ZNF366: variants seen among roughly 807,000 people sequenced by gnomAD.
ZNF366 encodes dendritic cell-specific transcript protein.
In ZNF366, 20 loss-of-function variants were observed where a neutral mutation model predicts 47.2. The ratio of observed to expected loss-of-function variants is 0.42; its 90% CI spans 0.30 to 0.62. The LOEUF (loss-of-function observed/expected upper bound fraction) is 0.62. Among genes scored for constraint, ZNF366 ranks in the 20% least tolerant of loss-of-function variants. ZNF366 has a pLI of 0.16. For missense variants in ZNF366, 987 were observed against 976.3 expected (o/e 1.01, Z -0.15); for synonymous variants, 421 against 395.1 (o/e 1.07, Z -0.78).
At chr5:72,501,825 C>G (rs1332918022) in intron 1 of ZNF366, among the ~76,000 whole-genome samples, 1 of 152,198 alleles carries the variant, frequency 6.6e-6, no homozygotes, top group Non-Finnish European at 1.5e-5. Flanking sequence ...TAAAATGCAA[C>G]AACAGTCTTT....
rs539424512 is a variant in ZNF366 at position 72,460,432 on chromosome 5, G to A, written c.1065C>T (p.His355=). The A allele has an allele frequency of 6.8e-6, 11 of 1,614,160 alleles. No individual in the cohort carries two copies. In the African/African-American group the frequency reaches 9.3e-5, roughly 14 times the overall value. The part of the protein sequence containing the change: ...GFAYPSELKA[H]EAKHASGREN... Reference sequence around the variant, plus strand: ...CGCGCCCACTGGCGTGCTTGGCTTCGTGGGCCTTGAGCTCGCTGGGGTAGG... The same window carrying A: ...CGCGCCCACTGGCGTGCTTGGCTTCATGGGCCTTGAGCTCGCTGGGGTAGG... Residue 355 remains histidine (H), a synonymous_variant, in exon 2 of 5, where the codon CAC becomes CAT. Transcript: ENST00000318442.
chr5:72,487,263 A>C (rs1163477600), intron 1 of ZNF366, among the ~76,000 whole-genome samples: 1 of 152,180 alleles, frequency 6.6e-6, no homozygotes, highest in Non-Finnish European at 1.5e-5. Flanking sequence ...AGAGTTTTGC[A>C]ACTTTACACC....
chr5:72,446,284 T>A (rs1036469975), intron 4 of ZNF366, among the ~76,000 whole-genome samples: 2 of 152,244 alleles, frequency 1.3e-5, no homozygotes, highest in African/African-American at 4.8e-5. Flanking sequence ...CAAGCAATAA[T>A]GTCCCTAAGG....
chr5:72,496,955 G>T (rs1324966369), intron 1 of ZNF366, among the ~76,000 whole-genome samples: 3 of 151,924 alleles, frequency 2.0e-5, no homozygotes, highest in African/African-American at 7.3e-5. Flanking sequence ...TTCAAAATTT[G>T]TGTCCATTTT....
chr5:72,493,588 T>G (rs902636398), intron 1 of ZNF366: 5 of 152,192 alleles, frequency 3.3e-5, no homozygotes, highest in Admixed American at 3.3e-4. Flanking sequence ...AAAACACACC[T>G]TCTGCAACTT....
chr5:72,445,290 G>T (rs538046621), intron 4 of ZNF366, among the ~76,000 whole-genome samples: 1 of 152,154 alleles, frequency 6.6e-6, no homozygotes, highest in Non-Finnish European at 1.5e-5. Flanking sequence ...AGGCCTCCAG[G>T]GATGGGCGGG....
intron 1 of ZNF366, among the ~76,000 whole-genome samples, chr5:72,484,416 G>A (rs1743849822): frequency 6.7e-6 from 1 of 148,590 alleles, no homozygotes; most frequent in African/African-American, 2.5e-5. Context: ...CCCGGGAGGC[G>A]GAGCTTGCAG....
chr5:72,497,654 A>G (rs913418306), intron 1 of ZNF366, among the ~76,000 whole-genome samples: 21 of 152,202 alleles, frequency 1.4e-4, no homozygotes, highest in African/African-American at 4.8e-4. Context: ...GATAAATTCA[A>G]GAGGAGTCAA....
rs1034876427 is a variant in ZNF366 at position 72,442,589 on chromosome 5, C to G, written c.*1167G>C. On this transcript the variant is annotated 3_prime_UTR_variant, in exon 5 of 5. Coordinates refer to ENST00000318442, the MANE Select transcript of ZNF366 (RefSeq NM_152625.3). ...GGGAGAATTCTCTGAGGTCACCCCC[C>G]CAGCTCTAGCTCTGAGGAGAAAGCC... The G allele has an allele frequency of 4.6e-5, 7 of 152,264 alleles. No individual in the cohort carries two copies. The highest frequency in any genetic ancestry group is 4.2e-4 in the South Asian group (2 of 4,812). The allele number at this position is 152,264 out of a possible 1,614,324, so 9.4% of individuals were successfully genotyped here.
chr5:72,449,248 GTT>G (rs34857525), intron 3 of ZNF366, among the ~76,000 whole-genome samples: 8 of 144,126 alleles, frequency 5.6e-5, no homozygotes, highest in Non-Finnish European at 4.5e-5. Flanking sequence ...TGGCTGAAAG[GTT>G]TTTTTTTTTT....
intron 3 of ZNF366, among the ~76,000 whole-genome samples, chr5:72,447,904 G>C (rs541291479): frequency 6.6e-6 from 1 of 152,256 alleles, no homozygotes; most frequent in Admixed American, 6.5e-5. Flanking sequence ...GAGGACTTAC[G>C]TCACTTGGCC....
rs1444378897 is a variant in ZNF366, at chr5:72,443,766, A to G, written c.2225T>C (p.Leu742Ser). 2 of 1,612,922 alleles carry G rather than the reference A, an allele frequency of 1.2e-6. No homozygotes were observed. Among genetic ancestry groups the G allele is most frequent in the Non-Finnish European group, 1.7e-6 (2 of 1,179,338 alleles). Residue 742 changes from leucine to serine, a missense_variant, in exon 5 of 5, where the codon TTA (leucine) becomes TCA (serine). Leu to Ser is a moderately radical substitution (Grantham distance 145). Around this residue, in one of 3 missense-constraint regions of ZNF366, gnomAD observed 285 missense variants for 234.8 expected, o/e 1.21. Transcript: ENST00000318442. ...ERKMEKQAVLLGI is the reference protein window; with the variant it reads ...ERKMEKQAVLSGI The stretch of plus-strand genomic sequence containing the variant: ...TTTAAAACTGTCCACTTAGATACCT[A>G]AAAGCACTGCTTGTTTTTCCATTTT...
intron 1 of ZNF366, among the ~76,000 whole-genome samples, chr5:72,503,560 C>T (rs1744258638): frequency 6.6e-6 from 1 of 152,066 alleles, no homozygotes; most frequent in Middle Eastern, 3.4e-3. Flanking sequence ...CACACACGCA[C>T]ACCTCGAAAA....
At chr5:72,480,297 TAGA>T (rs1743766414) in intron 1 of ZNF366, among the ~76,000 whole-genome samples, 1 of 152,228 alleles carries the variant, frequency 6.6e-6, no homozygotes, top group Non-Finnish European at 1.5e-5. Context: ...AGACTGAATC[TAGA>T]AGAAGATTCT....
chr5:72,467,051 G>C (rs1185869269), intron 1 of ZNF366, among the ~76,000 whole-genome samples: 3 of 152,228 alleles, frequency 2.0e-5, no homozygotes, highest in Non-Finnish European at 4.4e-5. Flanking sequence ...AGAATGGGTA[G>C]TCACCCTTCA....
At chr5:72,458,966 C>T (rs894033117) in intron 2 of ZNF366, among the ~76,000 whole-genome samples, 2 of 152,170 alleles carry the variant, frequency 1.3e-5, no homozygotes, top group Admixed American at 6.5e-5. Context: ...AAAGGAGCCC[C>T]TGAAGTTAGC....
intron 3 of ZNF366, among the ~76,000 whole-genome samples, chr5:72,450,274 G>GGGACCTTGGGGTACTGT (rs1474326200): frequency 9.9e-5 from 15 of 152,254 alleles, no homozygotes; most frequent in Admixed American, 9.8e-4. Context: ...CACACCTTCT[G>GGGACCTTGGGGTACTGT]GGACCTTGGG....
In ZNF366 at chr5:72,440,358, A is replaced by G. The variant is rs1275932094; in HGVS notation, c.*3398T>C. ...GAGACAGAAAGAGGAATTGAAAGGT[A>G]ACATGAGGAGTAATCATAGGAAAGA... On this transcript the variant is annotated 3_prime_UTR_variant, in exon 5 of 5. Transcript: ENST00000318442. The G allele has an allele frequency of 6.6e-6, 1 of 152,252 alleles. No individual in the cohort carries two copies. Among genetic ancestry groups the G allele is most frequent in the African/African-American group, 2.4e-5 (1 of 41,460 alleles). The allele number at this position is 152,252 out of a possible 1,614,324, so 9.4% of individuals were successfully genotyped here. A position where few individuals can be genotyped will look rare whatever the true frequency, so the allele number is the denominator to read the frequency against.
intron 1 of ZNF366, among the ~76,000 whole-genome samples, chr5:72,491,824 T>G (rs1744016556): frequency 6.6e-6 from 1 of 152,212 alleles, no homozygotes; most frequent in Non-Finnish European, 1.5e-5. Flanking sequence ...AGTTTCTTAT[T>G]TATTTACTCA....
Sources: allele counts gnomAD v4.1 joint callset (sites outside exome capture counted in the v4.1 genomes callset), GRCh38; gene constraint gnomAD v4.1.1; regional missense constraint gnomAD v4.1.1; transcripts MANE v1.5; gene names NCBI Gene and HGNC (gene_info 2026-07-23, HGNC 2026-07-21).